The following PTPRT variants were observed in gnomAD, a reference collection of about 807,000 sequenced individuals.
The protein encoded by PTPRT is receptor-type tyrosine-protein phosphatase T.
Under a neutral mutation model 176.8 loss-of-function variants are expected in PTPRT, and 56 were observed. That is an observed-to-expected ratio of 0.32 (90% CI 0.26 to 0.40). The LOEUF (loss-of-function observed/expected upper bound fraction) is 0.40, where lower values mean the gene tolerates loss of function less well. Ranked by LOEUF, PTPRT falls within the 10% of genes least tolerant of loss-of-function variation. The probability of loss-of-function intolerance (pLI) is 1.00; values close to 1 mark genes in which losing one functional copy is unlikely to be tolerated. For missense variants in PTPRT, 1,540 were observed against 1,908.2 expected, an observed-to-expected ratio of 0.81 and a Z score of 3.60; for synonymous variants, 783 against 739.0, an observed-to-expected ratio of 1.06 and a Z score of -0.96.
At chr20:42,421,507 G>A (rs2059118765) in intron 9 of PTPRT, among the ~76,000 whole-genome samples, 1 of 152,060 alleles carries the variant, frequency 6.6e-6, no homozygotes, top group East Asian at 1.9e-4. Context: ...GGGATTTCAG[G>A]GACATGTGGA....
chr20:42,896,886 T>C (rs1346882441), intron 1 of PTPRT, among the ~76,000 whole-genome samples: 2 of 152,134 alleles, frequency 1.3e-5, no homozygotes, highest in African/African-American at 4.8e-5. Flanking sequence ...GAACACCCTA[T>C]CGTGGGTAGC....
intron 7 of PTPRT, among the ~76,000 whole-genome samples, chr20:42,586,586 A>G (rs1375491249): frequency 6.6e-6 from 1 of 152,188 alleles, no homozygotes; most frequent in Non-Finnish European, 1.5e-5. Context: ...TGATCCAGAT[A>G]AAGAGCATCC....
chr20:42,610,708 C>T (rs1339944372), intron 7 of PTPRT, among the ~76,000 whole-genome samples: 2 of 152,120 alleles, frequency 1.3e-5, no homozygotes, highest in African/African-American at 4.8e-5. Flanking sequence ...AACTCACAAC[C>T]ATACAATTAT....
chr20:42,408,972 T>G (rs1022552384), intron 9 of PTPRT, among the ~76,000 whole-genome samples: 3 of 152,192 alleles, frequency 2.0e-5, no homozygotes, highest in African/African-American at 7.2e-5. Flanking sequence ...TAACCCCACA[T>G]GGGAGGGCTC....
At chr20:42,071,951 C>A (rs538168177), downstream of PTPRT, among the ~76,000 whole-genome samples, 65 of 152,206 alleles carry the variant, frequency 4.3e-4, no homozygotes, top group Non-Finnish European at 8.7e-4. Flanking sequence ...AGCCACCATG[C>A]CTGGCCAACT....
intron 4 of PTPRT, among the ~76,000 whole-genome samples, chr20:42,779,341 G>T (rs1024485810): frequency 9.2e-5 from 14 of 152,206 alleles, no homozygotes; most frequent in Non-Finnish European, 1.9e-4. Flanking sequence ...GCCCATATGG[G>T]AGGAGTGGAG....
At chr20:42,343,342 G>A (rs1253376566) in intron 11 of PTPRT, among the ~76,000 whole-genome samples, 1 of 152,104 alleles carries the variant, frequency 6.6e-6, no homozygotes, top group Non-Finnish European at 1.5e-5. Flanking sequence ...CACGAACCAA[G>A]CCAGAAAACT....
chr20:42,439,247 A>G (rs1333639220), intron 9 of PTPRT, among the ~76,000 whole-genome samples: 1 of 152,172 alleles, frequency 6.6e-6, no homozygotes, highest in East Asian at 1.9e-4. Flanking sequence ...GGGCAAATCT[A>G]TTGTTTTGTG....
intron 16 of PTPRT, among the ~76,000 whole-genome samples, chr20:42,182,959 T>C (rs926194151): frequency 1.2e-4 from 18 of 150,476 alleles, no homozygotes; most frequent in Admixed American, 1.1e-3. Context: ...CAGATTTCCA[T>C]GTGCACCAGC....
chr20:42,754,453 A>G (rs2076802291), intron 6 of PTPRT, among the ~76,000 whole-genome samples: 1 of 151,168 alleles, frequency 6.6e-6, no homozygotes, highest in Non-Finnish European at 1.5e-5. Context: ...TATTTTTTGT[A>G]TTTTTAGTAG....
intron 11 of PTPRT, among the ~76,000 whole-genome samples, chr20:42,343,189 C>G (rs977575474): frequency 6.6e-6 from 1 of 152,164 alleles, no homozygotes; most frequent in African/African-American, 2.4e-5. Flanking sequence ...TTGCAGCTGT[C>G]CTTGCTCAGC....
intron 7 of PTPRT, among the ~76,000 whole-genome samples, chr20:42,530,585 A>T (rs1342336049): frequency 6.6e-6 from 1 of 152,206 alleles, no homozygotes; most frequent in Non-Finnish European, 1.5e-5. Context: ...TCCATGTGGG[A>T]AAAGGAAATT....
intron 18 of PTPRT, among the ~76,000 whole-genome samples, chr20:42,135,379 G>A (rs1421157955): frequency 6.6e-6 from 1 of 152,216 alleles, no homozygotes; most frequent in East Asian, 1.9e-4. Flanking sequence ...CTGGGCCAAT[G>A]GCATCAGCAG....
chr20:43,158,105 T>TGGCCAGGTGGCTC (rs2014576132), intron 1 of PTPRT, among the ~76,000 whole-genome samples: 2 of 152,180 alleles, frequency 1.3e-5, no homozygotes, highest in Admixed American at 6.6e-5. Context: ...GAGGGTGGCT[T>TGGCCAGGTGGCTC]GGCCAGGTGG....
At chr20:43,176,907 G>A (rs1239673493) in intron 1 of PTPRT, among the ~76,000 whole-genome samples, 1 of 152,190 alleles carries the variant, frequency 6.6e-6, no homozygotes, top group Non-Finnish European at 1.5e-5. Context: ...AGTTTGAAGA[G>A]GTCACTAGAC....
chr20:42,685,697 A>G (rs990497539), intron 6 of PTPRT: 1 of 152,200 alleles, frequency 6.6e-6, no homozygotes, highest in African/African-American at 2.4e-5. Flanking sequence ...AATACATGAA[A>G]ACGCTGACGT....
chr20:42,104,503 T>C (rs1986241193), intron 25 of PTPRT, 66 bp downstream of exon 25: 1 of 1,482,738 alleles, frequency 6.7e-7, no homozygotes, highest in South Asian at 1.3e-5. Context: ...CCACCCAATC[T>C]ATGGAAATTT....
intron 15 of PTPRT, among the ~76,000 whole-genome samples, chr20:42,213,155 G>C (rs1004153909): frequency 6.9e-6 from 1 of 145,706 alleles, no homozygotes; most frequent in African/African-American, 2.5e-5. Context: ...CACCGGCCCT[G>C]CCCTGACCTA....
At chr20:42,676,538 GCT>G (rs55873681) in intron 7 of PTPRT, among the ~76,000 whole-genome samples, 183 of 148,340 alleles carry the variant, frequency 1.2e-3, no homozygotes, top group East Asian at 1.6e-3. Flanking sequence ...TATATACAAT[GCT>G]CTCTCTCTCT....
Sources: allele counts gnomAD v4.1 joint callset (sites outside exome capture counted in the v4.1 genomes callset), GRCh38; gene constraint gnomAD v4.1.1; transcripts MANE v1.5; gene names NCBI Gene and HGNC (gene_info 2026-07-23, HGNC 2026-07-21).